The following TNS1 variants were observed in gnomAD, a reference collection of about 807,000 sequenced individuals.
TNS1 encodes the protein tensin-1.
In TNS1, 62 loss-of-function variants were observed where a neutral mutation model predicts 168.6. The ratio of observed to expected loss-of-function variants is 0.37; its 90% CI spans 0.30 to 0.45. The LOEUF (loss-of-function observed/expected upper bound fraction) is 0.45. Among genes scored for constraint, TNS1 ranks in the 20% least tolerant of loss-of-function variants. The pLI is 1.00. For missense variants in TNS1, 2,240 were observed against 2,339.4 expected (o/e 0.96, Z 0.88); for synonymous variants, 934 against 933.2 (o/e 1.00, Z -0.02).
intron 4 of TNS1, among the ~76,000 whole-genome samples, chr2:217,910,761 C>CAA (rs1000148085): frequency 6.8e-6 from 1 of 146,582 alleles, no homozygotes; most frequent in Non-Finnish European, 1.5e-5. Flanking sequence ...CACACACACA[C>CAA]AACCATCCTT....
chr2:217,951,258 T>TA (rs747279894), intron 3 of TNS1, among the ~76,000 whole-genome samples: 2 of 152,154 alleles, frequency 1.3e-5, no homozygotes, highest in Non-Finnish European at 2.9e-5. Flanking sequence ...CAGCTCTCCA[T>TA]AAATGTTGGC....
At chr2:217,884,944 A>T in intron 16 of TNS1, 91 bp downstream of exon 16, 1 of 1,526,448 alleles carries the variant, frequency 6.6e-7, no homozygotes, top group South Asian at 1.2e-5. Flanking sequence ...GGTCCAGAAA[A>T]GATGGTCCCC....
chr2:217,907,279 G>A, intron 4 of TNS1, 28 bp from the exon 5 acceptor site: 1 of 702,932 alleles, frequency 1.4e-6, no homozygotes, highest in African/African-American at 1.7e-5. Flanking sequence ...AACAGCATGA[G>A]CCCTTAGGGC....
intron 2 of TNS1, among the ~76,000 whole-genome samples, chr2:217,983,325 A>G (rs1345865856): frequency 1.3e-5 from 2 of 152,206 alleles, no homozygotes; most frequent in Non-Finnish European, 2.9e-5. Flanking sequence ...CCCCGAAATT[A>G]CAAACCCACG....
At chr2:217,825,981 G>A (rs561152466) in intron 22 of TNS1, among the ~76,000 whole-genome samples, 2 of 152,284 alleles carry the variant, frequency 1.3e-5, no homozygotes, top group African/African-American at 4.8e-5. Context: ...CCACAATGTT[G>A]GAAACAGCCC....
chr2:217,877,897 GC>G (rs1360120419), intron 18 of TNS1, among the ~76,000 whole-genome samples: 2 of 152,130 alleles, frequency 1.3e-5, no homozygotes, highest in Admixed American at 1.3e-4. Context: ...GGTGCTCCCT[GC>G]CCCCCTCCTC....
chr2:217,924,334 C>T (rs1209417166), intron 3 of TNS1, among the ~76,000 whole-genome samples: 1 of 151,976 alleles, frequency 6.6e-6, no homozygotes, highest in Non-Finnish European at 1.5e-5. Flanking sequence ...ACACACACAG[C>T]CCCACACAAT....
chr2:217,930,309 G>GC (rs1318605576), intron 3 of TNS1, among the ~76,000 whole-genome samples: 2 of 152,228 alleles, frequency 1.3e-5, no homozygotes, highest in Non-Finnish European at 2.9e-5. Context: ...CCTCAGCTCT[G>GC]CCCAGGACCA....
intron 3 of TNS1, among the ~76,000 whole-genome samples, chr2:217,932,147 G>T (rs1237099016): frequency 5.3e-5 from 8 of 152,170 alleles, no homozygotes; most frequent in Non-Finnish European, 1.2e-4. Context: ...CCTGGGAGCA[G>T]ATTCAGCTCC....
chr2:217,842,863 C>T (rs368108844), intron 19 of TNS1, among the ~76,000 whole-genome samples: 27 of 152,196 alleles, frequency 1.8e-4, no homozygotes, highest in Non-Finnish European at 3.2e-4. Context: ...GCTCATCTCT[C>T]GCTGCCCAGC....
chr2:217,827,176 C>T (rs972300221), intron 22 of TNS1, among the ~76,000 whole-genome samples: 5 of 152,116 alleles, frequency 3.3e-5, no homozygotes, highest in Non-Finnish European at 7.3e-5. Flanking sequence ...TCCTTATATT[C>T]CCAAAGCCTG....
chr2:218,011,155 C>T (rs1958702439), upstream of TNS1, among the ~76,000 whole-genome samples: 1 of 152,196 alleles, frequency 6.6e-6, no homozygotes, highest in South Asian at 2.1e-4. Flanking sequence ...TCTGCGTGCC[C>T]TTGCCTACCT....
chr2:217,814,963 C>G lies in TNS1; in HGVS notation c.4678G>C (p.Val1560Leu). The change falls in exon 25 of 33, where the codon GTC becomes CTC. Residue 1560 changes from valine to leucine, a missense_variant. Around this residue, in one of 2 missense-constraint regions of TNS1, gnomAD observed 2,131 missense variants for 2,171.2 expected, o/e 0.98. Coordinates refer to ENST00000682258, the MANE Select transcript of TNS1 (RefSeq NM_001387777.1). ...SPETRAKVKFVQDTSKYWYKP... is the reference protein window; with the variant it reads ...SPETRAKVKFLQDTSKYWYKP... Reference sequence around the variant, plus strand: ...TACCAATACTTAGAAGTGTCCTGGACAAACTTCACTTTAGCCCGCGTCTCC... The same window carrying G: ...TACCAATACTTAGAAGTGTCCTGGAGAAACTTCACTTTAGCCCGCGTCTCC... 1 of 1,613,690 alleles carries G rather than the reference C, an allele frequency of 6.2e-7. No homozygotes were observed.
chr2:217,832,190 C>CA (rs1944532842), intron 21 of TNS1, among the ~76,000 whole-genome samples: 1 of 152,228 alleles, frequency 6.6e-6, no homozygotes, highest in African/African-American at 2.4e-5. Flanking sequence ...TCTGTCCCCC[C>CA]AAACCTCAGT....
At chr2:217,923,836 G>A (rs779872756) in intron 3 of TNS1, among the ~76,000 whole-genome samples, 5 of 152,182 alleles carry the variant, frequency 3.3e-5, no homozygotes, top group Admixed American at 1.3e-4. Context: ...GAGCCCCGTG[G>A]GTGCAGCTGG....
chr2:217,812,321 G>T (rs1941067189), intron 28 of TNS1, 47 bp downstream of exon 28: 1 of 1,532,632 alleles, frequency 6.5e-7, no homozygotes, highest in South Asian at 1.1e-5. Context: ...CATGACAAGG[G>T]CCAGCTCAAG....
At chr2:217,889,924 G>A (rs1342814475) in intron 12 of TNS1, among the ~76,000 whole-genome samples, 1 of 152,190 alleles carries the variant, frequency 6.6e-6, no homozygotes, top group Non-Finnish European at 1.5e-5. Context: ...TGCCCCTGAT[G>A]CTGCCTGTGC....
At chr2:217,910,715 C>A (rs1213317429) in intron 4 of TNS1, among the ~76,000 whole-genome samples, 4 of 71,370 alleles carry the variant, frequency 5.6e-5, no homozygotes, top group African/African-American at 2.6e-4. Flanking sequence ...CATACACATA[C>A]ACACACACAC....
rs1467401574 is a variant in TNS1 at position 218,033,387 on chromosome 2, T to C, written c.156+433A>G. On this transcript the variant is annotated intron_variant, in intron 1 of 1. Coordinates refer to the TNS1 transcript ENST00000649572. This position sits in a 1 kb window ranked among gnomAD's most constrained non-coding sequence, Gnocchi z 4.3. Reference sequence around the variant, plus strand: ...TGTCCCCACCATCCTGGGGAAGTCCTTGCTCCAGTGGGGCCCCCACCCTCC... The same window carrying C: ...TGTCCCCACCATCCTGGGGAAGTCCCTGCTCCAGTGGGGCCCCCACCCTCC... 6.6e-6 allele frequency among the ~76,000 whole-genome samples: 1 copy of C among 152,076 alleles called. No homozygotes were observed. The highest frequency in any genetic ancestry group is 1.5e-5 in the Non-Finnish European group (1 of 67,984).
Sources: allele counts gnomAD v4.1 joint callset (sites outside exome capture counted in the v4.1 genomes callset), GRCh38; gene constraint gnomAD v4.1.1; regional missense constraint gnomAD v4.1.1; non-coding constraint Gnocchi (gnomAD v3.1); transcripts MANE v1.5; gene names NCBI Gene and HGNC (gene_info 2026-07-23, HGNC 2026-07-21).